Variants in CD58 observed in about 807,000 individuals in gnomAD.
CD58 encodes lymphocyte function-associated antigen 3.
A neutral mutation model predicts 27.6 loss-of-function variants in CD58; 14 were observed. The observed-to-expected ratio is 0.51, with a 90% CI of 0.34 to 0.79. CD58 has a LOEUF of 0.79. Among genes scored for constraint, CD58 ranks in the 30% least tolerant of loss-of-function variants. CD58 has a pLI of 0.02. For missense variants in CD58, 268 were observed against 301.7 expected (o/e 0.89, Z 0.83); for synonymous variants, 117 against 103.8 (o/e 1.13, Z -0.77).
rs1658540901 is a variant in CD58, at chr1:116,555,843, C to T, written c.71-11239G>A. Reference sequence around the variant, plus strand: ...AACTCTCAACCCCCAGCACAAATTCCTCTGCAAATTATTACTCAGGGCCTG... The same window carrying T: ...AACTCTCAACCCCCAGCACAAATTCTTCTGCAAATTATTACTCAGGGCCTG... On this transcript the variant is annotated intron_variant, in intron 1 of 5. Transcript: ENST00000369489. 2.0e-5 allele frequency among the ~76,000 whole-genome samples: 3 copies of T among 152,004 alleles called. No homozygotes were observed. The South Asian group carries it at 6.2e-4, about 31-fold the overall frequency.
Position 116,522,397 on chromosome 1 carries a change from G to A in CD58, c.629-414C>T, listed in dbSNP as rs1279494933. On this transcript the variant is annotated intron_variant, in intron 3 of 5. Coordinates refer to ENST00000369489, the MANE Select transcript of CD58 (RefSeq NM_001779.3). The surrounding 1 kb of genome is among the most constrained non-coding windows in gnomAD (Gnocchi z 4.6). ...GCGATGTGCCTTGCAGAGAAAATAGGTGTATTAGATAAGCTTCACTTAGGC... is the reference window on the plus strand; with the variant it reads ...GCGATGTGCCTTGCAGAGAAAATAGATGTATTAGATAAGCTTCACTTAGGC... Among the ~76,000 whole-genome samples the A allele has an allele frequency of 1.3e-5, 2 of 152,184 alleles. No homozygotes were observed. The highest frequency in any genetic ancestry group is 2.1e-4 in the South Asian group (1 of 4,832).
At position 116,515,767 on chromosome 1, in the gene CD58, G is replaced by C. The variant is rs871493; in HGVS notation, c.744-945C>G. Among the ~76,000 whole-genome samples the C allele has an allele frequency of 0.097, 14,832 of 152,142 alleles. 953 individuals carry two copies. The highest frequency in any genetic ancestry group is 0.14 in the Non-Finnish European group (9,443 of 67,994). On this transcript the variant is annotated intron_variant, in intron 5 of 5. Coordinates refer to ENST00000369489, the MANE Select transcript of CD58 (RefSeq NM_001779.3). The surrounding 1 kb of genome is among the most constrained non-coding windows in gnomAD (Gnocchi z 4.6). ...CTTCCTTTTTAATTTGGCTAACTTT[G>C]TGATCTGTTTTCTAGACACTTACAC... is the stretch of plus-strand genomic sequence containing the variant.
chr1:116,556,368 T>TGACTTGCTAGTTAAGC (rs143410415), intron 1 of CD58, among the ~76,000 whole-genome samples: 150,635 of 151,952 alleles, frequency 0.99, 74,668 homozygotes, highest in Middle Eastern at 1. Context: ...CAATGTTAAG[T>TGACTTGCTAGTTAAGC]AATGAAGCCA....
intron 1 of CD58, among the ~76,000 whole-genome samples, chr1:116,565,964 G>A (rs574162828): frequency 1.6e-4 from 24 of 152,194 alleles, no homozygotes; most frequent in Admixed American, 5.9e-4. Flanking sequence ...TGATCCGCCC[G>A]CCTTGGCCTC....
At chr1:116,560,468 C>G (rs1173685340) in intron 1 of CD58, among the ~76,000 whole-genome samples, 1 of 152,200 alleles carries the variant, frequency 6.6e-6, no homozygotes, top group African/African-American at 2.4e-5. Flanking sequence ...ATACTCAGTT[C>G]ATCGTTGGGA....
At chr1:116,543,584 T>G (rs1658062263) in intron 2 of CD58, among the ~76,000 whole-genome samples, 2 of 152,074 alleles carry the variant, frequency 1.3e-5, no homozygotes, top group South Asian at 4.1e-4. Context: ...GGAGTGTCAG[T>G]GAGAAGCAGG....
intron 2 of CD58, among the ~76,000 whole-genome samples, chr1:116,539,391 A>G (rs1207811859): frequency 6.6e-6 from 1 of 152,104 alleles, no homozygotes; most frequent in Non-Finnish European, 1.5e-5. Context: ...CTCTTGTTCT[A>G]CTTACAGAGA....
chr1:116,546,984 C>T lies in CD58; in HGVS notation c.71-2380G>A, dbSNP rs1269473719. 4.0e-5 allele frequency among the ~76,000 whole-genome samples: 6 copies of T among 150,722 alleles called. No individual in the cohort carries two copies. The highest frequency in any genetic ancestry group is 2.1e-4 in the South Asian group (1 of 4,776). On this transcript the variant is annotated intron_variant, in intron 1 of 5. Coordinates refer to ENST00000369489, the MANE Select transcript of CD58 (RefSeq NM_001779.3). The surrounding 1 kb of genome is among the most constrained non-coding windows in gnomAD (Gnocchi z 4.1). ...TAGTAAGTATATTTTCTTCCTTATG[C>T]TTTTTTTTCTTTTTTAAATTTTTTT...
intron 1 of CD58, among the ~76,000 whole-genome samples, chr1:116,561,001 G>C (rs1658732725): frequency 6.6e-6 from 1 of 152,110 alleles, no homozygotes; most frequent in Non-Finnish European, 1.5e-5. Context: ...CTTCAAAAAA[G>C]CTTAGGCACT....
At chr1:116,533,742 T>C in intron 3 of CD58, 1 of 704,432 alleles carries the variant, frequency 1.4e-6, no homozygotes, top group Non-Finnish European at 2.6e-6. Context: ...CCATATCAGA[T>C]GTTGGTTCAA....
At chr1:116,564,157 C>T (rs1210806664) in intron 1 of CD58, among the ~76,000 whole-genome samples, 1 of 152,134 alleles carries the variant, frequency 6.6e-6, no homozygotes, top group East Asian at 1.9e-4. Context: ...TTCAAAGTTC[C>T]ACGTATCTTT....
chr1:116,520,218 C>A (rs1219173437), intron 4 of CD58, among the ~76,000 whole-genome samples: 3 of 152,164 alleles, frequency 2.0e-5, no homozygotes, highest in Admixed American at 6.5e-5. Flanking sequence ...CATCTGCCTC[C>A]CTCCCGCCTC....
rs1448824211 is a variant in CD58 at position 116,527,009 on chromosome 1, CT to C, written c.629-5027del. On this transcript the variant is annotated intron_variant, in intron 3 of 5. Transcript: ENST00000369489. The surrounding 1 kb of genome is among the most constrained non-coding windows in gnomAD (Gnocchi z 4.4). Reference sequence around the variant, plus strand: ...ATTGCTGTTATAGAAAAGTGATTGACTTTTGTATATTAACTTTGTATCCTAC... The same window carrying C: ...ATTGCTGTTATAGAAAAGTGATTGACTTTGTATATTAACTTTGTATCCTAC... Among the ~76,000 whole-genome samples, 1 of 151,968 alleles carries C rather than the reference CT, an allele frequency of 6.6e-6. No individual in the cohort carries two copies. The highest frequency in any genetic ancestry group is 1.5e-5 in the Non-Finnish European group (1 of 67,962).
intron 1 of CD58, among the ~76,000 whole-genome samples, chr1:116,549,455 C>T (rs1476604626): frequency 6.6e-6 from 1 of 152,094 alleles, no homozygotes; most frequent in Non-Finnish European, 1.5e-5. Flanking sequence ...TAGCATAAGC[C>T]GAGCTGCATA....
At chr1:116,520,797 G>GT (rs1174547334) in intron 4 of CD58, among the ~76,000 whole-genome samples, 1 of 152,150 alleles carries the variant, frequency 6.6e-6, no homozygotes, top group Non-Finnish European at 1.5e-5. Context: ...TTATAATACT[G>GT]TTTAGTGGAG....
At chr1:116,535,142 T>C (rs966364481) in intron 3 of CD58, among the ~76,000 whole-genome samples, 7 of 152,212 alleles carry the variant, frequency 4.6e-5, no homozygotes, top group African/African-American at 1.7e-4. Flanking sequence ...TAGAAAATCA[T>C]AGCCAAGACA....
In CD58 at chr1:116,523,366, T is replaced by TGGGAAAGGAA. The variant is rs929420811; in HGVS notation, c.629-1393_629-1384dup. Reference sequence around the variant, plus strand: ...ACTAAGAACAAATGTGACATGGATATGGGAAAGGAAGGGAAAGGAAGGGAG... The same window carrying TGGGAAAGGAA: ...ACTAAGAACAAATGTGACATGGATATGGGAAAGGAAGGGAAAGGAAGGGAAAGGAAGGGAG... On this transcript the variant is annotated intron_variant, in intron 3 of 5. Transcript: ENST00000369489. This position sits in a 1 kb window ranked among gnomAD's most constrained non-coding sequence, Gnocchi z 4.4. 1.3e-5 allele frequency among the ~76,000 whole-genome samples: 2 copies of TGGGAAAGGAA among 151,458 alleles called. No individual in the cohort carries two copies. Among genetic ancestry groups the TGGGAAAGGAA allele is most frequent in the South Asian group, 2.1e-4 (1 of 4,784 alleles).
intron 1 of CD58, among the ~76,000 whole-genome samples, chr1:116,556,613 G>A (rs1467151222): frequency 6.6e-6 from 1 of 152,154 alleles, no homozygotes; most frequent in Non-Finnish European, 1.5e-5. Context: ...CCAAATCATC[G>A]AATGCTAGAG....
chr1:116,532,978 G>A lies in CD58; in HGVS notation c.628+2987C>T, dbSNP rs778438964. 3.4e-5 allele frequency: 31 copies of A among 899,928 alleles called. No homozygotes were observed. The highest frequency in any genetic ancestry group is 3.0e-5 in the Non-Finnish European group (17 of 568,208). 55.7% of individuals were successfully genotyped at this position (899,928 alleles called of 1,614,324 possible). A position where few individuals can be genotyped will look rare whatever the true frequency, so the allele number is the denominator to read the frequency against. On this transcript the variant is annotated intron_variant, in intron 3 of 5. Coordinates refer to ENST00000369489, the MANE Select transcript of CD58 (RefSeq NM_001779.3). The surrounding 1 kb of genome is among the most constrained non-coding windows in gnomAD (Gnocchi z 5.1). ...CCGCCGGCTGGCTGGGTTCCTTGTT[G>A]GGATTAATTTCCACCTCATCCTCAT...
Sources: allele counts gnomAD v4.1 joint callset (sites outside exome capture counted in the v4.1 genomes callset), GRCh38; gene constraint gnomAD v4.1.1; non-coding constraint Gnocchi (gnomAD v3.1); transcripts MANE v1.5; gene names NCBI Gene and HGNC (gene_info 2026-07-23, HGNC 2026-07-21).